Variants in GABRB1 observed in about 807,000 individuals in gnomAD.
GABRB1 encodes the protein gamma-aminobutyric acid type A receptor subunit beta1, also known as gamma-aminobutyric acid receptor subunit beta-1.
In GABRB1, 17 loss-of-function variants were observed where a neutral mutation model predicts 51.6. The observed-to-expected ratio is 0.33, with a 90% CI of 0.23 to 0.49. The LOEUF is 0.49. GABRB1 is among the 20% of genes least tolerant of loss of function. The pLI, the probability that GABRB1 is intolerant of heterozygous loss-of-function variation, is 0.99. For missense variants in GABRB1, 410 were observed against 600.6 expected, an observed-to-expected ratio of 0.68 and a Z score of 3.32; for synonymous variants, 247 against 218.9, an observed-to-expected ratio of 1.13 and a Z score of -1.14.
intron 4 of GABRB1, among the ~76,000 whole-genome samples, chr4:47,271,901 T>C (rs1722887700): frequency 6.6e-6 from 1 of 152,212 alleles, no homozygotes; most frequent in Non-Finnish European, 1.5e-5. Context: ...AAATCCTTTT[T>C]GTTGATCTAG....
intron 4 of GABRB1, among the ~76,000 whole-genome samples, chr4:47,210,759 A>T (rs1483492948): frequency 6.6e-6 from 1 of 152,168 alleles, no homozygotes; most frequent in African/African-American, 2.4e-5. Context: ...GTTGTTAAAG[A>T]CATAGAGAAA....
At chr4:47,421,763 G>A (rs10030377) in intron 8 of GABRB1, among the ~76,000 whole-genome samples, 75,564 of 151,816 alleles carry the variant, frequency 0.5, 21,466 homozygotes, top group African/African-American at 0.78. Context: ...ATCCCTAATC[G>A]TGATCTATAT....
chr4:47,036,866 A>C (rs893043625), intron 3 of GABRB1, among the ~76,000 whole-genome samples: 1 of 151,584 alleles, frequency 6.6e-6, no homozygotes, highest in African/African-American at 2.4e-5. Flanking sequence ...GTCTTAAAAA[A>C]AAAGAAAAAA....
At chr4:47,104,523 TC>T (rs1714868479) in intron 3 of GABRB1, among the ~76,000 whole-genome samples, 1 of 151,808 alleles carries the variant, frequency 6.6e-6, no homozygotes, top group Non-Finnish European at 1.5e-5. Flanking sequence ...TCTCTCTCTC[TC>T]TCTCTCTTTT....
chr4:47,137,908 T>C (rs1410904963), intron 3 of GABRB1, among the ~76,000 whole-genome samples: 1 of 152,142 alleles, frequency 6.6e-6, no homozygotes, highest in Admixed American at 6.6e-5. Context: ...ACTAATTTGA[T>C]ACAAATAGAA....
intron 4 of GABRB1, among the ~76,000 whole-genome samples, chr4:47,229,572 A>T (rs914863161): frequency 2.6e-5 from 4 of 152,174 alleles, no homozygotes; most frequent in Non-Finnish European, 5.9e-5. Flanking sequence ...ATCTGTGAAT[A>T]TTAACTTATT....
chr4:47,081,718 A>AG (rs1232319349), intron 3 of GABRB1, among the ~76,000 whole-genome samples: 4 of 152,172 alleles, frequency 2.6e-5, no homozygotes, highest in Non-Finnish European at 5.9e-5. Context: ...ACCGGATATT[A>AG]GAACCCATGA....
At chr4:47,159,047 C>G (rs995690) in intron 3 of GABRB1, among the ~76,000 whole-genome samples, 25,446 of 151,466 alleles carry the variant, frequency 0.17, 3,089 homozygotes, top group African/African-American at 0.34. Flanking sequence ...GAGGCTGAGG[C>G]CAGAGGAGCA....
intron 5 of GABRB1, among the ~76,000 whole-genome samples, chr4:47,366,706 A>T (rs1013677452): frequency 6.6e-6 from 1 of 152,280 alleles, no homozygotes; most frequent in East Asian, 1.9e-4. Context: ...CTGAAGAATA[A>T]TGTCATGTGG....
At chr4:47,208,726 T>C (rs938950936) in intron 4 of GABRB1, among the ~76,000 whole-genome samples, 1 of 152,082 alleles carries the variant, frequency 6.6e-6, no homozygotes, top group Non-Finnish European at 1.5e-5. Flanking sequence ...GACACTATCG[T>C]AGTCCTAGGA....
chr4:47,345,566 G>C (rs1199900127), intron 5 of GABRB1, among the ~76,000 whole-genome samples: 1 of 152,088 alleles, frequency 6.6e-6, no homozygotes, highest in Non-Finnish European at 1.5e-5. Context: ...TAAGCATAAG[G>C]GATGAAAATA....
intron 3 of GABRB1, among the ~76,000 whole-genome samples, chr4:47,107,898 G>A (rs1715036678): frequency 6.6e-6 from 1 of 151,942 alleles, no homozygotes; most frequent in Non-Finnish European, 1.5e-5. Flanking sequence ...GAGAATGACA[G>A]AGAAACCCAG....
intron 5 of GABRB1, among the ~76,000 whole-genome samples, chr4:47,323,802 A>G (rs1001319353): frequency 2.0e-5 from 3 of 152,234 alleles, no homozygotes; most frequent in Non-Finnish European, 2.9e-5. Context: ...GATGTCATCT[A>G]ATCAAGTAAA....
chr4:47,262,959 C>G (rs1377567674), intron 4 of GABRB1, among the ~76,000 whole-genome samples: 1 of 147,212 alleles, frequency 6.8e-6, no homozygotes, highest in African/African-American at 2.5e-5. Flanking sequence ...AACCAAACAC[C>G]GCATGTTCTC....
intron 5 of GABRB1, 103 bp downstream of exon 5, chr4:47,320,312 C>G (rs972754296): frequency 1.3e-6 from 1 of 769,048 alleles, no homozygotes; most frequent in Non-Finnish European, 2.3e-6. Context: ...TCTAGCTGCG[C>G]TTGCCTGATA....
chr4:47,183,164 T>G (rs1271969068), intron 4 of GABRB1, among the ~76,000 whole-genome samples: 1 of 151,508 alleles, frequency 6.6e-6, no homozygotes. Flanking sequence ...AGTGAGGTAA[T>G]AGCAATGTCA....
rs1001823773 is a variant in GABRB1 at position 47,189,157 on chromosome 4, G to A, written c.461+27688G>A. The stretch of plus-strand genomic sequence containing the variant: ...ACATTTGAGCTGAGTTATGAGTGAC[G>A]TCTAAAAAGTTACCAAAAATAGAAG... On this transcript the variant is annotated intron_variant, in intron 4 of 8. Transcript: ENST00000295454. Among the ~76,000 whole-genome samples the A allele has an allele frequency of 9.2e-5, 14 of 151,764 alleles. No individual in the cohort carries two copies. In the East Asian group the frequency reaches 1.8e-3, roughly 19 times the overall value.
intron 5 of GABRB1, among the ~76,000 whole-genome samples, chr4:47,331,538 C>T (rs1725479114): frequency 6.6e-6 from 1 of 152,012 alleles, no homozygotes; most frequent in African/African-American, 2.4e-5. Flanking sequence ...GAAGTTTGTT[C>T]TTCCATTGGT....
At chr4:47,116,244 AT>A (rs112610217) in intron 3 of GABRB1, among the ~76,000 whole-genome samples, 41 of 151,992 alleles carry the variant, frequency 2.7e-4, no homozygotes, top group African/African-American at 9.7e-4. Flanking sequence ...CCTAGGAATT[AT>A]TTTTCTGTTC....
Sources: gnomAD v4.1 joint callset for allele counts (sites outside exome capture counted in the v4.1 genomes callset) on GRCh38, gnomAD v4.1.1 for gene constraint, MANE v1.5 for transcripts, NCBI Gene and HGNC (gene_info 2026-07-23, HGNC 2026-07-21) for gene names.